Variants in SPATA24 observed in about 807,000 individuals in gnomAD.
SPATA24 encodes the protein spermatogenesis-associated protein 24.
Under a neutral mutation model 28.9 loss-of-function variants are expected in SPATA24, and 21 were observed. The observed-to-expected ratio is 0.73, with a 90% confidence interval of 0.52 to 1.05. The LOEUF (loss-of-function observed/expected upper bound fraction) is 1.05, where lower values mean the gene tolerates loss of function less well. Ranked by LOEUF, SPATA24 falls within the 50% of genes least tolerant of loss-of-function variation. The pLI is 0.00. For missense variants in SPATA24, 215 were observed against 242.9 expected (o/e 0.88, Z 0.76); for synonymous variants, 76 against 89.9 (o/e 0.85, Z 0.88).
chr5:139,400,474 T>G (rs1758798544), intron 4 of SPATA24, among the ~76,000 whole-genome samples: 10 of 151,774 alleles, frequency 6.6e-5, no homozygotes, highest in Admixed American at 5.9e-4. Context: ...GCCCGGGTAA[T>G]TTTTGGTATT....
chr5:139,393,854 GGCA>G (rs1438289394), downstream of SPATA24: 2 of 1,550,594 alleles, frequency 1.3e-6, no homozygotes, highest in African/African-American at 2.7e-5. Context: ...TGGGGCGACG[GGCA>G]GCGAGGACCC....
downstream of SPATA24, chr5:139,393,565 G>T: frequency 1.9e-6 from 3 of 1,551,168 alleles, no homozygotes; most frequent in Non-Finnish European, 2.6e-6. Flanking sequence ...ACGATCTGGA[G>T]CCTCCCACGG....
chr5:139,403,692 ACT>A (rs1222245197), intron 1 of SPATA24, among the ~76,000 whole-genome samples: 1 of 152,126 alleles, frequency 6.6e-6, no homozygotes, highest in African/African-American at 2.4e-5. Flanking sequence ...AGGCTCAGGG[ACT>A]CTCTACCAGC....
chr5:139,394,837 T>G, downstream of SPATA24: 1 of 1,531,688 alleles, frequency 6.5e-7, no homozygotes, highest in Non-Finnish European at 8.8e-7. Flanking sequence ...GCCGGGCCCG[T>G]GCCGCTGGCG....
In SPATA24 at chr5:139,402,635, T is replaced by A; in HGVS notation, c.176A>T (p.Lys59Met). 4 of 1,551,730 alleles carry A rather than the reference T, an allele frequency of 2.6e-6. No homozygotes were observed. The highest frequency in any genetic ancestry group is 3.5e-6 in the Non-Finnish European group (4 of 1,146,950). Residue 59 changes from lysine to methionine, a missense_variant, in exon 2 of 6, where the codon AAG becomes ATG. Physicochemically the swap from Lys to Met is moderately conservative, Grantham distance 95. Transcript: ENST00000450845. The part of the protein sequence containing the change: ...SKEEFQAVEK[K>M]LVEEKAAHAK... ...GCAGAGGCCATTACTTACCACCAGC[T>A]TCTTCTCCACTGCCTGGAACTCTTC...
downstream of SPATA24, chr5:139,394,271 A>T: frequency 2.6e-6 from 4 of 1,542,530 alleles, 1 homozygote; most frequent in East Asian, 9.8e-5. Context: ...GTGGACCCGA[A>T]GGTGGCGCTG....
chr5:139,401,773 G>A lies in SPATA24; in HGVS notation c.367C>T (p.Leu123Phe). The change falls in exon 4 of 6, where the codon CTC (leucine) becomes TTC (phenylalanine). Residue 123 changes from leucine (L) to phenylalanine (F), a missense_variant. By Grantham distance (22) the Leu-to-Phe change is conservative. Transcript: ENST00000450845. ...CGCCTACCATTGCACTTGGTGATGA[G>A]CTGGTCCTTCTTGCTGGACTCCTGA... ...VLQESSKKDQ[L>F]ITKCNEIESH... 6.4e-7 allele frequency: 1 copy of A among 1,551,692 alleles called. No individual in the cohort carries two copies. The highest frequency in any genetic ancestry group is 8.7e-7 in the Non-Finnish European group (1 of 1,147,008).
downstream of SPATA24, chr5:139,394,037 TCTC>T (rs757002286): frequency 7.6e-4 from 1,174 of 1,550,662 alleles, 2 homozygotes; most frequent in Non-Finnish European, 9.8e-4. Flanking sequence ...TCCTGGATCT[TCTC>T]CTCTGACTGA....
chr5:139,402,712 G>A lies in SPATA24; in HGVS notation c.118-19C>T. Reference sequence around the variant, plus strand: ...GAACCATCTGCAACAGAGCCTGGCTGAGGGAGGGCCTGGGGCTGGAGTAGA... The same window carrying A: ...GAACCATCTGCAACAGAGCCTGGCTAAGGGAGGGCCTGGGGCTGGAGTAGA... On this transcript the variant is annotated intron_variant, in intron 1 of 5. Transcript: ENST00000450845. The A allele has an allele frequency of 6.4e-7, 1 of 1,550,982 alleles. No homozygotes were observed. Among genetic ancestry groups the A allele is most frequent in the African/African-American group, 1.4e-5 (1 of 73,146 alleles).
At chr5:139,394,238 G>A (rs1206517520), downstream of SPATA24, 16 of 1,548,350 alleles carry the variant, frequency 1.0e-5, no homozygotes, top group South Asian at 2.4e-5. Context: ...GCCGTTTCCC[G>A]GGTCTCAGGT....
downstream of SPATA24, chr5:139,392,849 G>A: frequency 1.3e-6 from 2 of 1,540,442 alleles, no homozygotes; most frequent in Non-Finnish European, 1.8e-6. The surrounding 1 kb of genome is among the most constrained non-coding windows in gnomAD (Gnocchi z 5.8). Context: ...GTTACCTCGG[G>A]CCGGCGACCC....
At chr5:139,402,405 A>T (rs866164178) in intron 2 of SPATA24, among the ~76,000 whole-genome samples, 7 of 150,510 alleles carry the variant, frequency 4.7e-5, no homozygotes, top group South Asian at 4.2e-4. Context: ...ATGTATATAT[A>T]TATTTTTTTG....
intron 1 of SPATA24, among the ~76,000 whole-genome samples, chr5:139,403,719 G>C (rs964370174): frequency 6.6e-6 from 1 of 152,226 alleles, no homozygotes; most frequent in African/African-American, 2.4e-5. Flanking sequence ...GCAGCAACCA[G>C]GCAAACGGAA....
rs1302849215 is a variant in SPATA24 at position 139,402,203 on chromosome 5, C to CTTTCTTT, written c.184-165_184-159dup. Among the ~76,000 whole-genome samples the CTTTCTTT allele has an allele frequency of 7.1e-4, 108 of 151,562 alleles. No homozygotes were observed. The Middle Eastern group carries it at 0.014, about 19-fold the overall frequency. ...GGGCTGGAGGTTCTCAGAGGCCGAC[C>CTTTCTTT]TTTCTTTTTTCTTTTTTCTTTTTTT... On this transcript the variant is annotated intron_variant, in intron 2 of 5. Transcript: ENST00000450845.
At chr5:139,394,716 G>A, downstream of SPATA24, 1 of 1,532,640 alleles carries the variant, frequency 6.5e-7, no homozygotes, top group Non-Finnish European at 8.7e-7. Flanking sequence ...CGCCGGAGCA[G>A]CCGAACAGGG....
intron 4 of SPATA24, chr5:139,401,458 C>T: frequency 1.6e-6 from 1 of 617,452 alleles, no homozygotes; most frequent in Non-Finnish European, 2.9e-6. Context: ...TTAGGAGTAA[C>T]CCATCAAAAG....
chr5:139,397,633 C>T (rs974750913), intron 4 of SPATA24, among the ~76,000 whole-genome samples: 1 of 151,912 alleles, frequency 6.6e-6, no homozygotes, highest in African/African-American at 2.4e-5. Flanking sequence ...TGGCTCACTG[C>T]AACCTCCACC....
At chr5:139,393,650 G>T, downstream of SPATA24, 1 of 1,550,562 alleles carries the variant, frequency 6.4e-7, no homozygotes, top group Non-Finnish European at 8.7e-7. Flanking sequence ...ATCTCCCACA[G>T]GGAAGGGGCT....
intron 2 of SPATA24, 142 bp from the exon 3 acceptor site, chr5:139,402,187 G>A: frequency 9.8e-7 from 1 of 1,024,878 alleles, no homozygotes; most frequent in South Asian, 1.8e-5. Flanking sequence ...GGGGCTGGAG[G>A]TTCTCAGAGG....
Sources: gnomAD v4.1 joint callset for allele counts (sites outside exome capture counted in the v4.1 genomes callset) on GRCh38, gnomAD v4.1.1 for gene constraint, Gnocchi (gnomAD v3.1) non-coding constraint, MANE v1.5 for transcripts, NCBI Gene and HGNC (gene_info 2026-07-23, HGNC 2026-07-21) for gene names.